RTKN: variants seen among roughly 807,000 people sequenced by gnomAD.
The protein encoded by RTKN is rhotekin.
RTKN carries 49 observed loss-of-function variants against 63.5 expected under a neutral mutation model. That is an observed-to-expected ratio of 0.77 (90% CI 0.61 to 0.98). The LOEUF is 0.98. RTKN is among the 50% of genes least tolerant of loss of function. RTKN has a pLI of 0.00. For missense variants in RTKN, 685 were observed against 740.8 expected (o/e 0.92, Z 0.87); for synonymous variants, 295 against 290.4 (o/e 1.02, Z -0.16).
At chr2:74,439,742 C>G (rs1453430778) in intron 1 of RTKN, 2 of 1,530,408 alleles carry the variant, frequency 1.3e-6, no homozygotes, top group Admixed American at 3.9e-5. Flanking sequence ...AGGTGGCCAG[C>G]TCTTGGGCAG....
In RTKN at chr2:74,427,069, C is replaced by G. The variant is rs762387397; in HGVS notation, c.1360+100G>C. The G allele has an allele frequency of 4.0e-6, 6 of 1,513,404 alleles. No homozygotes were observed. The African/African-American group carries it at 8.3e-5, about 21-fold the overall frequency. The allele number at this position is 1,513,404 out of a possible 1,614,324, so 93.7% of individuals were successfully genotyped here. ...TGGGTCCCCAGAGATCTGGTGTAGC[C>G]CAGAGTGTGCTTTCTCTCTGTTTCC... On this transcript the variant is annotated intron_variant, in intron 11 of 11. Coordinates refer to ENST00000272430, the MANE Select transcript of RTKN (RefSeq NM_001015055.2).
intron 1 of RTKN, among the ~76,000 whole-genome samples, chr2:74,433,104 G>A (rs1461405519): frequency 2.6e-5 from 4 of 151,910 alleles, no homozygotes; most frequent in African/African-American, 4.8e-5. Flanking sequence ...TTAGCAGGGC[G>A]TGGTGGCGGG....
intron 1 of RTKN, 45 bp downstream of exon 1, chr2:74,441,661 C>A: frequency 2.1e-6 from 3 of 1,446,540 alleles, no homozygotes; most frequent in Non-Finnish European, 1.9e-6. Flanking sequence ...CTGGGGCTGC[C>A]CCCGGGAGCC....
At position 74,426,250 on chromosome 2, in the gene RTKN, G is replaced by A; in HGVS notation, c.1685C>T (p.Pro562Leu). 6.2e-7 allele frequency: 1 copy of A among 1,613,602 alleles called. No homozygotes were observed. Residue 562 changes from proline to leucine, a missense_variant, in exon 12 of 12, where the codon CCA becomes CTA. By Grantham distance (98) the Pro-to-Leu change is moderately conservative. Transcript: ENST00000272430. ...TGCCAGCACCTTTCTCTCTCACACTGGTGACTGGAGCCAAGTGCGAGGTTG... is the reference window on the plus strand; with the variant it reads ...TGCCAGCACCTTTCTCTCTCACACTAGTGACTGGAGCCAAGTGCGAGGTTG... ...KGQPRTWLQS[P>L]V
chr2:74,436,317 C>T lies in RTKN; in HGVS notation c.112-3651G>A, dbSNP rs922666309. Among the ~76,000 whole-genome samples, 4 of 152,266 alleles carry T rather than the reference C, an allele frequency of 2.6e-5. No individual in the cohort carries two copies. The highest frequency in any genetic ancestry group is 5.9e-5 in the Non-Finnish European group (4 of 68,044). On this transcript the variant is annotated intron_variant, in intron 1 of 11. Transcript: ENST00000272430. This position sits in a 1 kb window ranked among gnomAD's most constrained non-coding sequence, Gnocchi z 4.3. ...GAAATCGGAGGAGCCAGGGCGCCAG[C>T]ATAGCTGCACCGCCTCCAGCTGCAG... is the stretch of plus-strand genomic sequence containing the variant.
rs1671097254 is a variant in RTKN at position 74,436,925 on chromosome 2, T to C, written c.112-4259A>G. ...CTCCCCAAGCGGGCAGCATTTCCCC[T>C]GGGAAAGAGCGCAGAGCTGGGTGTC... On this transcript the variant is annotated intron_variant, in intron 1 of 11. Coordinates refer to ENST00000272430, the MANE Select transcript of RTKN (RefSeq NM_001015055.2). The surrounding 1 kb of genome is among the most constrained non-coding windows in gnomAD (Gnocchi z 4.3). Among the ~76,000 whole-genome samples, 1 of 152,098 alleles carries C rather than the reference T, an allele frequency of 6.6e-6. No individual in the cohort carries two copies. The highest frequency in any genetic ancestry group is 2.4e-5 in the African/African-American group (1 of 41,412).
intron 6 of RTKN, 26 bp downstream of exon 6, chr2:74,429,802 G>C (rs374352210): frequency 3.5e-5 from 56 of 1,598,698 alleles, no homozygotes; most frequent in Non-Finnish European, 4.5e-5. Flanking sequence ...GGCAGCTGAG[G>C]GTGGTGTCGG....
At position 74,441,735 on chromosome 2, in the gene RTKN, G is replaced by A; in HGVS notation, c.82C>T (p.Arg28Ter). The A allele has an allele frequency of 6.2e-7, 1 of 1,611,650 alleles. No individual in the cohort carries two copies. The highest frequency in any genetic ancestry group is 8.5e-7 in the Non-Finnish European group (1 of 1,179,510). Residue 28 changes from arginine (R) to a stop codon, truncating the protein, a stop_gained, in exon 1 of 12, where the codon CGA (arginine) becomes TGA (stop). Coordinates refer to ENST00000272430, the MANE Select transcript of RTKN (RefSeq NM_001015055.2). LOFTEE classifies it high-confidence loss of function. ...LEMEFKRGRF[R>*]LSLFSDLPED... ...GGCAGGTCGCTGAAGAGGCTGAGTC[G>A]GAAGCGGCCGCGTTTGAACTCCATC...
Position 74,430,571 on chromosome 2 carries a change from G to A in RTKN, c.373+45C>T, listed in dbSNP as rs1171775838. The A allele has an allele frequency of 2.5e-6, 4 of 1,613,696 alleles. No homozygotes were observed. In the East Asian group the frequency reaches 6.7e-5, roughly 27 times the overall value. ...GTTGAGATGGGGCAGGAGGCCGTGTGCTTGGGCAAGGGGTACCAGCAGCTG... is the reference window on the plus strand; with the variant it reads ...GTTGAGATGGGGCAGGAGGCCGTGTACTTGGGCAAGGGGTACCAGCAGCTG... On this transcript the variant is annotated intron_variant, in intron 3 of 11. Transcript: ENST00000272430.
At position 74,430,251 on chromosome 2, in the gene RTKN, C is replaced by A. The variant is rs747298260; in HGVS notation, c.545+1G>T. 1.2e-6 allele frequency: 2 copies of A among 1,607,250 alleles called. No homozygotes were observed. Among genetic ancestry groups the A allele is most frequent in the Admixed American group, 1.7e-5 (1 of 59,982 alleles). On this transcript the variant is annotated splice_donor_variant, in intron 5 of 11. Coordinates refer to ENST00000272430, the MANE Select transcript of RTKN (RefSeq NM_001015055.2). LOFTEE classifies it high-confidence loss of function. ...AGGTAGCCACAGTGTGAGGTACTCA[C>A]AAGAGCACATTGCTCTGAAAGGAGA...
At chr2:74,430,583 G>T (rs548504044) in intron 3 of RTKN, 33 bp downstream of exon 3, 1 of 1,613,822 alleles carries the variant, frequency 6.2e-7, no homozygotes, top group African/African-American at 1.3e-5. Flanking sequence ...TTGGGCAAGG[G>T]GTACCAGCAG....
Position 74,425,944 on chromosome 2 carries a change from G to T in RTKN, c.*299C>A, listed in dbSNP as rs1489107474. The T allele has an allele frequency of 1.4e-6, 1 of 696,224 alleles. No individual in the cohort carries two copies. The highest frequency in any genetic ancestry group is 1.8e-5 in the African/African-American group (1 of 55,542). The allele number at this position is 696,224 out of a possible 1,614,324, so 43.1% of individuals were successfully genotyped here. A position where few individuals can be genotyped will look rare whatever the true frequency, so the allele number is the denominator to read the frequency against. Reference sequence around the variant, plus strand: ...ACAAGGGAGGTATGTTTGCTCCAAGGGTTCTTCAGTGCCATCCTCAAAGCT... The same window carrying T: ...ACAAGGGAGGTATGTTTGCTCCAAGTGTTCTTCAGTGCCATCCTCAAAGCT... On this transcript the variant is annotated 3_prime_UTR_variant, in exon 12 of 12. Coordinates refer to ENST00000272430, the MANE Select transcript of RTKN (RefSeq NM_001015055.2).
intron 1 of RTKN, chr2:74,439,680 G>C: frequency 6.2e-7 from 1 of 1,606,996 alleles, no homozygotes; most frequent in Non-Finnish European, 8.5e-7. Flanking sequence ...GGACAGATAG[G>C]TACCACACTG....
At position 74,432,661 on chromosome 2, in the gene RTKN, C is replaced by A; in HGVS notation, c.117G>T (p.Thr39=). The A allele has an allele frequency of 6.2e-7, 1 of 1,614,136 alleles. No individual in the cohort carries two copies. The highest frequency in any genetic ancestry group is 8.5e-7 in the Non-Finnish European group (1 of 1,179,982). Residue 39 remains threonine (T), a synonymous_variant, in exon 2 of 12, where the codon ACG becomes ACT. Transcript: ENST00000272430. ...CATGGTCTAGCTTCCTCTGCAACTC[C>A]GTGTCCTAGCCAGGGTTGGGGGAAG... ...LSLFSDLPED[T]ELQRKLDHEI... is the part of the protein sequence containing the mutation.
At chr2:74,439,477 A>G (rs1233844078) in intron 1 of RTKN, 1 of 1,519,394 alleles carries the variant, frequency 6.6e-7, no homozygotes, top group East Asian at 2.3e-5. Flanking sequence ...ATGCTGTAGC[A>G]GGAATGGGCA....
At chr2:74,432,772 C>T (rs13427128) in intron 1 of RTKN, 106 bp from the exon 2 acceptor site, 74 of 912,248 alleles carry the variant, frequency 8.1e-5, no homozygotes, top group South Asian at 5.8e-4. Context: ...TGACAAGAAA[C>T]TAATGTTTTA....
chr2:74,427,540 G>T lies in RTKN; in HGVS notation c.1139C>A (p.Thr380Asn). The stretch of plus-strand genomic sequence containing the variant: ...CCCATACTGGTTACTGATGCTTAGG[G>T]TGAAGGGCCGTCCTAGAGCCTGGTC... ...ELDQALGRPF[T>N]LSISNQYGDD... Residue 380 changes from threonine to asparagine, a missense_variant, in exon 10 of 12, where the codon ACC (threonine) becomes AAC (asparagine). Thr to Asn is a moderately conservative substitution (Grantham distance 65, BLOSUM62 0). Coordinates refer to ENST00000272430, the MANE Select transcript of RTKN (RefSeq NM_001015055.2). 1 of 1,613,984 alleles carries T rather than the reference G, an allele frequency of 6.2e-7. No individual in the cohort carries two copies. The highest frequency in any genetic ancestry group is 1.3e-5 in the African/African-American group (1 of 75,042).
chr2:74,440,865 G>C (rs1671331905), intron 1 of RTKN, among the ~76,000 whole-genome samples: 1 of 152,264 alleles, frequency 6.6e-6, no homozygotes, highest in South Asian at 2.1e-4. Context: ...CCGGGAGGTA[G>C]AGGGGGCGGA....
chr2:74,427,990 G>T, intron 9 of RTKN: 1 of 525,462 alleles, frequency 1.9e-6, no homozygotes, highest in Non-Finnish European at 3.4e-6. Flanking sequence ...TGGAATCTGA[G>T]GGAGAAGAGG....
Sources: allele counts gnomAD v4.1 joint callset (sites outside exome capture counted in the v4.1 genomes callset), GRCh38; gene constraint gnomAD v4.1.1; non-coding constraint Gnocchi (gnomAD v3.1); transcripts MANE v1.5; gene names NCBI Gene and HGNC (gene_info 2026-07-23, HGNC 2026-07-21).